CADM2: variants seen among roughly 807,000 people sequenced by gnomAD.
CADM2 encodes the protein immunoglobulin superfamily member 4D.
Under a neutral mutation model 49.8 loss-of-function variants are expected in CADM2, and 12 were observed. The ratio of observed to expected loss-of-function variants is 0.24; its 90% CI spans 0.15 to 0.39. CADM2 has a LOEUF of 0.39. Ranked by LOEUF, CADM2 falls within the 10% of genes least tolerant of loss-of-function variation. The pLI, the probability that CADM2 is intolerant of heterozygous loss-of-function variation, is 1.00. For synonymous variants in CADM2, 214 were observed against 175.4 expected, an observed-to-expected ratio of 1.22 and a Z score of -1.74; for missense variants, 378 against 492.3, an observed-to-expected ratio of 0.77 and a Z score of 2.20.
intron 1 of CADM2, among the ~76,000 whole-genome samples, chr3:85,169,347 C>T (rs368244848): frequency 3.3e-5 from 5 of 152,066 alleles, no homozygotes; most frequent in African/African-American, 9.7e-5. Context: ...AACTTGAGTC[C>T]ATATACCTAT....
At chr3:85,805,990 A>T (rs535484578) in intron 3 of CADM2, among the ~76,000 whole-genome samples, 1 of 152,298 alleles carries the variant, frequency 6.6e-6, no homozygotes, top group South Asian at 2.1e-4. Context: ...TTTCAAACAC[A>T]GTCTTCCAGC....
At chr3:85,280,147 CACATGCAAAA>C (rs1559756652) in intron 1 of CADM2, among the ~76,000 whole-genome samples, 3 of 151,608 alleles carry the variant, frequency 2.0e-5, no homozygotes, top group South Asian at 4.1e-4. Context: ...TAACTTTAAT[CACATGCAAAA>C]ACTGTACATT....
chr3:86,066,265 G>A (rs1243240005), intron 9 of CADM2, among the ~76,000 whole-genome samples: 21 of 140,656 alleles, frequency 1.5e-4, no homozygotes, highest in Admixed American at 8.5e-4. Flanking sequence ...CCCGGGAGGC[G>A]GAGCTTGCGG....
intron 1 of CADM2, among the ~76,000 whole-genome samples, chr3:85,164,311 C>G (rs1300667124): frequency 6.6e-6 from 1 of 151,924 alleles, no homozygotes; most frequent in Non-Finnish European, 1.5e-5. Flanking sequence ...TTGTCTTATT[C>G]AAAGATTTTA....
intron 1 of CADM2, among the ~76,000 whole-genome samples, chr3:85,013,670 A>G (rs1460158956): frequency 6.6e-6 from 1 of 151,160 alleles, no homozygotes; most frequent in Non-Finnish European, 1.5e-5. Context: ...ATTTCTATGT[A>G]GCTATGTATT....
intron 1 of CADM2, among the ~76,000 whole-genome samples, chr3:85,014,780 T>C (rs1406677494): frequency 1.3e-5 from 2 of 152,188 alleles, no homozygotes; most frequent in African/African-American, 2.4e-5. Context: ...TGGAAGTCCT[T>C]GTCTTTTAAT....
chr3:85,221,180 A>G (rs1026601259), intron 1 of CADM2, among the ~76,000 whole-genome samples: 3 of 152,164 alleles, frequency 2.0e-5, no homozygotes, highest in Admixed American at 6.5e-5. Flanking sequence ...CAAATATCCA[A>G]TACAGGATAA....
At chr3:85,504,767 C>G (rs1457972280) in intron 1 of CADM2, among the ~76,000 whole-genome samples, 3 of 152,044 alleles carry the variant, frequency 2.0e-5, no homozygotes, top group African/African-American at 7.2e-5. Flanking sequence ...CAGGAGCCCA[C>G]GGAGGGGGTG....
intron 1 of CADM2, among the ~76,000 whole-genome samples, chr3:85,389,046 T>C (rs2034390274): frequency 6.6e-6 from 1 of 152,152 alleles, no homozygotes; most frequent in South Asian, 2.1e-4. Flanking sequence ...GGTATCTTAT[T>C]GGGTTATATT....
intron 3 of CADM2, among the ~76,000 whole-genome samples, chr3:85,863,525 T>C (rs1348360371): frequency 6.6e-6 from 1 of 152,146 alleles, no homozygotes; most frequent in African/African-American, 2.4e-5. Flanking sequence ...GGAGTTTGGT[T>C]CTCTTTTTCT....
intron 1 of CADM2, among the ~76,000 whole-genome samples, chr3:85,453,645 G>A (rs968131665): frequency 9.2e-5 from 14 of 152,038 alleles, no homozygotes; most frequent in African/African-American, 1.4e-4. Context: ...ATTACTGTAC[G>A]TGGATTCAAA....
At chr3:85,525,600 A>G (rs747245186) in intron 1 of CADM2, among the ~76,000 whole-genome samples, 15 of 152,120 alleles carry the variant, frequency 9.9e-5, no homozygotes, top group Non-Finnish European at 2.1e-4. Flanking sequence ...CAATGTGATA[A>G]TCATTGTCTC....
At chr3:85,015,705 G>T (rs1013412259) in intron 1 of CADM2, among the ~76,000 whole-genome samples, 4 of 152,156 alleles carry the variant, frequency 2.6e-5, no homozygotes, top group Admixed American at 1.3e-4. Flanking sequence ...GTGTTTTGTG[G>T]TTTCAAGGAA....
At chr3:85,153,483 C>A (rs1450859087) in intron 1 of CADM2, among the ~76,000 whole-genome samples, 1 of 152,206 alleles carries the variant, frequency 6.6e-6, no homozygotes, top group East Asian at 1.9e-4. Flanking sequence ...TGAGATCAAA[C>A]CGCAACAAAG....
At chr3:85,600,663 A>T (rs986996672) in intron 1 of CADM2, among the ~76,000 whole-genome samples, 5 of 150,742 alleles carry the variant, frequency 3.3e-5, no homozygotes, top group Admixed American at 6.6e-5. Context: ...TTTTTTTTTT[A>T]AATACGGTTA....
intron 8 of CADM2, among the ~76,000 whole-genome samples, chr3:85,981,365 T>G (rs185705814): frequency 2.0e-3 from 300 of 151,718 alleles, no homozygotes; most frequent in African/African-American, 6.4e-3. Flanking sequence ...CCTTCCAACT[T>G]TTATTTTAGG....
At chr3:85,379,475 T>A (rs149028002) in intron 1 of CADM2, among the ~76,000 whole-genome samples, 1 of 152,072 alleles carries the variant, frequency 6.6e-6, no homozygotes, top group East Asian at 1.9e-4. Flanking sequence ...CTGAGACTGG[T>A]TTTTAGGCTT....
chr3:85,009,249 A>G (rs1484068222), intron 1 of CADM2, among the ~76,000 whole-genome samples: 1 of 152,194 alleles, frequency 6.6e-6, no homozygotes, highest in East Asian at 1.9e-4. Context: ...TTAAAGATAG[A>G]AGTGGCTTCA....
At chr3:85,578,617 G>A (rs919260411) in intron 1 of CADM2, among the ~76,000 whole-genome samples, 2 of 152,176 alleles carry the variant, frequency 1.3e-5, no homozygotes, top group Admixed American at 1.3e-4. Context: ...TCATGAAACA[G>A]CATCATGATA....
Sources: gnomAD v4.1 joint callset for allele counts (sites outside exome capture counted in the v4.1 genomes callset) on GRCh38, gnomAD v4.1.1 for gene constraint, MANE v1.5 for transcripts, NCBI Gene and HGNC (gene_info 2026-07-23, HGNC 2026-07-21) for gene names.